The following GLIPR1L1 variants were observed in gnomAD, a reference collection of about 807,000 sequenced individuals.
The protein encoded by GLIPR1L1 is GLIPR1 like 1.
A neutral mutation model predicts 29.9 loss-of-function variants in GLIPR1L1; 26 were observed. The ratio of observed to expected loss-of-function variants is 0.87; its 90% CI spans 0.64 to 1.21. GLIPR1L1 has a LOEUF of 1.21. Among genes scored for constraint, GLIPR1L1 ranks in the 50% most tolerant of loss-of-function variants. GLIPR1L1 has a pLI of 0.00. For missense variants in GLIPR1L1, 305 were observed against 290.3 expected, an observed-to-expected ratio of 1.05 and a Z score of -0.37; for synonymous variants, 77 against 97.5, an observed-to-expected ratio of 0.79 and a Z score of 1.24.
rs1304052552 is a variant in GLIPR1L1 at position 75,344,552 on chromosome 12, A to G, written c.420+614A>G. On this transcript the variant is annotated intron_variant, in intron 2 of 5. Coordinates refer to ENST00000378695, the MANE Select transcript of GLIPR1L1 (RefSeq NM_001304964.2). ...TTTAAGCATATGAGATAGAGTTGCA[A>G]TAATTAATATTTTCCCTGCTAGCTC... is the stretch of plus-strand genomic sequence containing the variant. 3.9e-5 allele frequency among the ~76,000 whole-genome samples: 6 copies of G among 152,236 alleles called. No homozygotes were observed. In the East Asian group the frequency reaches 9.6e-4, roughly 24 times the overall value.
chr12:75,342,870 G>C (rs1425748862), intron 1 of GLIPR1L1, among the ~76,000 whole-genome samples: 1 of 151,910 alleles, frequency 6.6e-6, no homozygotes, highest in Non-Finnish European at 1.5e-5. Flanking sequence ...GCAGTTTTCA[G>C]CATAGAGATC....
At chr12:75,337,037 T>G (rs1460223220) in intron 1 of GLIPR1L1, among the ~76,000 whole-genome samples, 1 of 151,634 alleles carries the variant, frequency 6.6e-6, no homozygotes, top group Non-Finnish European at 1.5e-5. Flanking sequence ...ATAATAGAGA[T>G]TACTATAATT....
intron 3 of GLIPR1L1, among the ~76,000 whole-genome samples, chr12:75,362,882 TAG>T (rs1235284746): frequency 6.6e-5 from 10 of 152,282 alleles, no homozygotes; most frequent in African/African-American, 2.4e-4. Context: ...TATTCTTCTA[TAG>T]AATATTCAAG....
At position 75,334,774 on chromosome 12, in the gene GLIPR1L1, T is replaced by G; in HGVS notation, c.46T>G (p.Cys16Gly). The change falls in exon 1 of 6, where the codon TGT (cysteine) becomes GGT (glycine). Residue 16 changes from cysteine to glycine, a missense_variant. Transcript: ENST00000378695. ...CAGTTGTTTATGGATCTTGGGTCTGTGTTTGGTAGCCACTACATCTTCCAA... is the reference window on the plus strand; with the variant it reads ...CAGTTGTTTATGGATCTTGGGTCTGGGTTTGGTAGCCACTACATCTTCCAA... ...KFSCLWILGL[C>G]LVATTSSKIP... 1 of 1,614,034 alleles carries G rather than the reference T, an allele frequency of 6.2e-7. No individual in the cohort carries two copies. Among genetic ancestry groups the G allele is most frequent in the African/African-American group, 1.3e-5 (1 of 75,026 alleles).
intron 3 of GLIPR1L1, among the ~76,000 whole-genome samples, chr12:75,358,844 ATATAT>A (rs1198157597): frequency 7.6e-5 from 11 of 144,306 alleles, no homozygotes; most frequent in Middle Eastern, 3.6e-3. Flanking sequence ...ACAATATATA[ATATAT>A]TATATATGGT....
At chr12:75,339,720 G>C (rs112923705) in intron 1 of GLIPR1L1, among the ~76,000 whole-genome samples, 342 of 152,104 alleles carry the variant, frequency 2.2e-3, no homozygotes, top group East Asian at 5.0e-3. Context: ...TATGATTTTG[G>C]GTTTTACATT....
chr12:75,348,642 C>T (rs559525121), intron 3 of GLIPR1L1, among the ~76,000 whole-genome samples: 15 of 152,292 alleles, frequency 9.8e-5, no homozygotes, highest in African/African-American at 3.6e-4. Context: ...AAGCATCATA[C>T]TGCTTTGAAT....
chr12:75,340,913 A>G (rs1297086619), intron 1 of GLIPR1L1, among the ~76,000 whole-genome samples: 3 of 152,144 alleles, frequency 2.0e-5, no homozygotes, highest in African/African-American at 7.2e-5. Context: ...GCAAAAATAA[A>G]AAATAATGAC....
At chr12:75,366,033 CAATTCT>C (rs1294349696) in intron 4 of GLIPR1L1, among the ~76,000 whole-genome samples, 2 of 152,090 alleles carry the variant, frequency 1.3e-5, no homozygotes, top group Non-Finnish European at 2.9e-5. Flanking sequence ...AAAAATGCTA[CAATTCT>C]AATTCTAATG....
chr12:75,344,683 C>T (rs965405396), intron 2 of GLIPR1L1, among the ~76,000 whole-genome samples: 2 of 151,884 alleles, frequency 1.3e-5, no homozygotes, highest in African/African-American at 4.8e-5. Flanking sequence ...TTATTATATT[C>T]GCAATTTGTA....
chr12:75,348,169 T>C (rs2042577968), intron 3 of GLIPR1L1, among the ~76,000 whole-genome samples: 1 of 152,130 alleles, frequency 6.6e-6, no homozygotes, highest in Non-Finnish European at 1.5e-5. Context: ...TAAATGAAAA[T>C]ATAGCATAAG....
At chr12:75,343,551 C>A in intron 1 of GLIPR1L1, 142 bp from the exon 2 acceptor site, 1 of 655,890 alleles carries the variant, frequency 1.5e-6, no homozygotes, top group Non-Finnish European at 2.5e-6. Context: ...AAATCACTAA[C>A]TATGCACATA....
chr12:75,360,978 G>C (rs2043546965), intron 3 of GLIPR1L1: 1 of 152,116 alleles, frequency 6.6e-6, no homozygotes, highest in Admixed American at 6.5e-5. Flanking sequence ...ATAAGTCTGA[G>C]GTCTTGTCTC....
intron 2 of GLIPR1L1, among the ~76,000 whole-genome samples, chr12:75,345,206 G>A (rs376082852): frequency 4.2e-4 from 64 of 151,878 alleles, no homozygotes; most frequent in Non-Finnish European, 5.9e-4. Flanking sequence ...AACTTCTCCT[G>A]AGCCATAATC....
At position 75,358,549 on chromosome 12, in the gene GLIPR1L1, C is replaced by T. The variant is rs1378584229; in HGVS notation, c.522-4553C>T. 2.0e-5 allele frequency among the ~76,000 whole-genome samples: 3 copies of T among 150,922 alleles called. No individual in the cohort carries two copies. The South Asian group carries it at 6.2e-4, about 31-fold the overall frequency. Reference sequence around the variant, plus strand: ...AAGCTAAAAATAGAAGGGAATGTCACAAATCCAACAAAGAACACCTATGAA... The same window carrying T: ...AAGCTAAAAATAGAAGGGAATGTCATAAATCCAACAAAGAACACCTATGAA... On this transcript the variant is annotated intron_variant, in intron 3 of 5. Coordinates refer to ENST00000378695, the MANE Select transcript of GLIPR1L1 (RefSeq NM_001304964.2).
At chr12:75,361,692 G>A (rs1255774166) in intron 3 of GLIPR1L1, among the ~76,000 whole-genome samples, 2 of 151,802 alleles carry the variant, frequency 1.3e-5, no homozygotes, top group Non-Finnish European at 2.9e-5. Context: ...AGATAAGAGA[G>A]AAGGAGGAAC....
intron 3 of GLIPR1L1, among the ~76,000 whole-genome samples, chr12:75,357,995 A>C (rs1319347502): frequency 6.6e-6 from 1 of 151,578 alleles, no homozygotes; most frequent in Non-Finnish European, 1.5e-5. Flanking sequence ...AGTAATAACA[A>C]AAATAAAAGC....
rs746529940 is a variant in GLIPR1L1 at position 75,347,620 on chromosome 12, A to C, written c.421-2A>C. 1.3e-6 allele frequency: 2 copies of C among 1,596,038 alleles called. No homozygotes were observed. The highest frequency in any genetic ancestry group is 8.6e-7 in the Non-Finnish European group (1 of 1,165,436). ...TTATCTTGACATTCCTTTTCTTTAT[A>C]GTTAGTTTGGGCCAATTCATTTTAT... is the stretch of plus-strand genomic sequence containing the variant. On this transcript the variant is annotated splice_acceptor_variant, in intron 2 of 5. Coordinates refer to ENST00000378695, the MANE Select transcript of GLIPR1L1 (RefSeq NM_001304964.2). LOFTEE classifies it high-confidence loss of function.
chr12:75,334,698 A>T lies in GLIPR1L1; in HGVS notation c.-31A>T. The T allele has an allele frequency of 1.9e-6, 3 of 1,598,632 alleles. No individual in the cohort carries two copies. Among genetic ancestry groups the T allele is most frequent in the Non-Finnish European group, 2.6e-6 (3 of 1,172,068 alleles). On this transcript the variant is annotated 5_prime_UTR_variant, in exon 1 of 6. Coordinates refer to ENST00000378695, the MANE Select transcript of GLIPR1L1 (RefSeq NM_001304964.2). Reference sequence around the variant, plus strand: ...CCAGCCGTTACTGGTCCGCGCAGTCAGGGCATCCTCCGCATCCTCCACATC... The same window carrying T: ...CCAGCCGTTACTGGTCCGCGCAGTCTGGGCATCCTCCGCATCCTCCACATC...
Sources: allele counts gnomAD v4.1 joint callset (sites outside exome capture counted in the v4.1 genomes callset), GRCh38; gene constraint gnomAD v4.1.1; transcripts MANE v1.5; gene names NCBI Gene and HGNC (gene_info 2026-07-23, HGNC 2026-07-21).